Variants in FKBP5 observed in about 807,000 individuals in gnomAD.
FKBP5 encodes FKBP prolyl isomerase 5, also known as peptidyl-prolyl cis-trans isomerase FKBP5.
A neutral mutation model predicts 50.5 loss-of-function variants in FKBP5; 23 were observed. That is an observed-to-expected ratio of 0.46 (90% CI 0.33 to 0.65). The LOEUF (loss-of-function observed/expected upper bound fraction) is 0.65. Ranked by LOEUF, FKBP5 falls within the 30% of genes least tolerant of loss-of-function variation. The probability of loss-of-function intolerance (pLI) is 0.02; values close to 1 mark genes in which losing one functional copy is unlikely to be tolerated. For missense variants in FKBP5, 411 were observed against 553.1 expected, an observed-to-expected ratio of 0.74 and a Z score of 2.58; for synonymous variants, 176 against 190.6, an observed-to-expected ratio of 0.92 and a Z score of 0.63.
chr6:35,675,219 A>AT (rs376352906), intron 1 of FKBP5, among the ~76,000 whole-genome samples: 1 of 152,274 alleles, frequency 6.6e-6, no homozygotes, highest in African/African-American at 2.4e-5. Context: ...ACAAAGTGGT[A>AT]GTGATAAGAT....
intron 1 of FKBP5, among the ~76,000 whole-genome samples, chr6:35,665,178 A>G (rs927870761): frequency 1.3e-5 from 2 of 152,026 alleles, no homozygotes; most frequent in East Asian, 3.8e-4. Flanking sequence ...CACACCCACC[A>G]CATTACTCTC....
At chr6:35,636,969 G>A in intron 3 of FKBP5, 45 bp downstream of exon 3, 3 of 1,529,802 alleles carry the variant, frequency 2.0e-6, no homozygotes, top group Non-Finnish European at 1.8e-6. Context: ...ATTACAAATA[G>A]TAATAAAGCT....
intron 2 of FKBP5, among the ~76,000 whole-genome samples, chr6:35,637,762 C>T (rs1223304607): frequency 2.0e-5 from 3 of 152,092 alleles, no homozygotes; most frequent in African/African-American, 2.4e-5. Context: ...GCGCCCGACA[C>T]TAAACTCTCT....
intron 8 of FKBP5, chr6:35,582,416 T>G: frequency 1.9e-6 from 1 of 518,706 alleles, no homozygotes; most frequent in Non-Finnish European, 2.5e-6. Flanking sequence ...GTCATGAGGG[T>G]GGGGCCTCAT....
rs1210633406 is a variant in FKBP5, at chr6:35,668,573, TATC to T, written c.-20+20228_-20+20230del. On this transcript the variant is annotated intron_variant, in intron 1 of 10. Coordinates refer to ENST00000357266, the MANE Select transcript of FKBP5 (RefSeq NM_004117.4). ...AATGTTCTGTGTGACTACAATTTCATATCATAAAACTGGAATGGAATAGTTATA... is the reference window on the plus strand; with the variant it reads ...AATGTTCTGTGTGACTACAATTTCATATAAAACTGGAATGGAATAGTTATA... Among the ~76,000 whole-genome samples the T allele has an allele frequency of 2.0e-5, 3 of 152,354 alleles. No homozygotes were observed. In the South Asian group the frequency reaches 6.2e-4, roughly 32 times the overall value.
At chr6:35,604,104 C>T (rs1390237169) in intron 5 of FKBP5, among the ~76,000 whole-genome samples, 1 of 150,356 alleles carries the variant, frequency 6.7e-6, no homozygotes, top group Non-Finnish European at 1.5e-5. Flanking sequence ...CACTCCTGGA[C>T]TCAAGCTACT....
chr6:35,621,304 G>C (rs942884514), intron 3 of FKBP5, among the ~76,000 whole-genome samples: 13 of 152,108 alleles, frequency 8.5e-5, no homozygotes, highest in African/African-American at 3.1e-4. Context: ...GGAAACAATA[G>C]AAAATTTAGG....
upstream of FKBP5, among the ~76,000 whole-genome samples, chr6:35,691,194 A>G (rs188566559): frequency 2.0e-4 from 31 of 152,262 alleles, no homozygotes; most frequent in African/African-American, 7.5e-4. Context: ...CATAGGGCAC[A>G]ATGGAAGGCG....
chr6:35,589,072 A>G (rs141837177), intron 7 of FKBP5, among the ~76,000 whole-genome samples: 1,520 of 141,438 alleles, frequency 0.011, 29 homozygotes, highest in African/African-American at 0.035. Context: ...GTGTGTGTGT[A>G]TATATTTATA....
At chr6:35,690,874 C>T (rs544675884), upstream of FKBP5, among the ~76,000 whole-genome samples, 15 of 151,826 alleles carry the variant, frequency 9.9e-5, no homozygotes, top group African/African-American at 3.1e-4. Context: ...GGCATGGTGA[C>T]GCATGCCTGT....
chr6:35,705,399 T>A (rs1168002577), intron 2 of FKBP5, among the ~76,000 whole-genome samples: 4 of 149,772 alleles, frequency 2.7e-5, no homozygotes, highest in Non-Finnish European at 5.9e-5. Flanking sequence ...CCTGAGTAGC[T>A]GGGATTACAG....
Position 35,678,955 on chromosome 6 carries a change from T to C in FKBP5, c.-20+9849A>G, listed in dbSNP as rs554936307. ...AAAATTAGCTGGTCATGGTGATGCA[T>C]ACCTGTAATCCCAGCTACTGTGGAG... On this transcript the variant is annotated intron_variant, in intron 1 of 10. Coordinates refer to ENST00000357266, the MANE Select transcript of FKBP5 (RefSeq NM_004117.4). Among the ~76,000 whole-genome samples, 9 of 152,302 alleles carry C rather than the reference T, an allele frequency of 5.9e-5. No individual in the cohort carries two copies. The South Asian group carries it at 1.0e-3, about 18-fold the overall frequency.
intron 5 of FKBP5, among the ~76,000 whole-genome samples, chr6:35,614,828 A>T (rs2150974376): frequency 6.6e-6 from 1 of 152,208 alleles, no homozygotes; most frequent in Non-Finnish European, 1.5e-5. Flanking sequence ...GGTTTTTAAC[A>T]TATACATACA....
chr6:35,638,349 A>C lies in FKBP5; in HGVS notation c.106-1191T>G, dbSNP rs369917127. Among the ~76,000 whole-genome samples the C allele has an allele frequency of 2.5e-4, 38 of 152,348 alleles. No homozygotes were observed. In the South Asian group the frequency reaches 6.0e-3, roughly 24 times the overall value. Reference sequence around the variant, plus strand: ...TTTTTTACAAGTATACCGTCCACCTAACATAAATATCACATAAACACTGTG... The same window carrying C: ...TTTTTTACAAGTATACCGTCCACCTCACATAAATATCACATAAACACTGTG... On this transcript the variant is annotated intron_variant, in intron 2 of 10. Coordinates refer to ENST00000357266, the MANE Select transcript of FKBP5 (RefSeq NM_004117.4).
At chr6:35,685,296 A>C (rs552884397) in intron 1 of FKBP5, among the ~76,000 whole-genome samples, 171 of 152,320 alleles carry the variant, frequency 1.1e-3, no homozygotes, top group African/African-American at 3.6e-3. Flanking sequence ...TCTCATTTGC[A>C]AATTAAATTA....
At position 35,619,219 on chromosome 6, in the gene FKBP5, A is replaced by C. The variant is rs1763751900; in HGVS notation, c.394-9T>G. The C allele has an allele frequency of 6.3e-7, 1 of 1,589,450 alleles. No homozygotes were observed. Among genetic ancestry groups the C allele is most frequent in the East Asian group, 2.2e-5 (1 of 44,762 alleles). Reference sequence around the variant, plus strand: ...AAATCAAGGAGCTCAATCTAGAAAGAAAAAAGGAATTCAGCTGAGAAAAGA... The same window carrying C: ...AAATCAAGGAGCTCAATCTAGAAAGCAAAAAGGAATTCAGCTGAGAAAAGA... On this transcript the variant is annotated splice_polypyrimidine_tract_variant and intron_variant, in intron 4 of 10. Coordinates refer to ENST00000357266, the MANE Select transcript of FKBP5 (RefSeq NM_004117.4).
intron 1 of FKBP5, among the ~76,000 whole-genome samples, chr6:35,645,577 T>C (rs976052881): frequency 6.6e-6 from 1 of 152,182 alleles, no homozygotes; most frequent in African/African-American, 2.4e-5. Context: ...ATATAAGAAC[T>C]TGGAACAGGA....
chr6:35,620,993 AAAAACAAC>A lies in FKBP5; in HGVS notation c.251-727_251-720del, dbSNP rs565397343. On this transcript the variant is annotated intron_variant, in intron 3 of 10. Transcript: ENST00000357266. ...CTTATAATTTAGTTGGGTAGACAAA[AAAAACAAC>A]AAAACAAGAAGTAACCAGAACAGGA... Among the ~76,000 whole-genome samples the A allele has an allele frequency of 4.4e-3, 677 of 152,304 alleles. 4 individuals are homozygous for A. Among genetic ancestry groups the A allele is most frequent in the Non-Finnish European group, 6.3e-3 (431 of 68,016 alleles).
At position 35,723,264 on chromosome 6, in the gene FKBP5, T is replaced by A. The variant is rs115615631; in HGVS notation, c.-240-2716A>T. ...TAAATAAATAAAATAAAATAAAAAT[T>A]AAAATAAAAATAAATAAATAAATGC... On this transcript the variant is annotated intron_variant, in intron 1 of 11. Transcript: ENST00000536438. Among the ~76,000 whole-genome samples, 745 of 151,774 alleles carry A rather than the reference T, an allele frequency of 4.9e-3. 9 individuals carry two copies. The highest frequency in any genetic ancestry group is 0.016 in the African/African-American group (656 of 41,448).
Sources: gnomAD v4.1 joint callset for allele counts (sites outside exome capture counted in the v4.1 genomes callset) on GRCh38, gnomAD v4.1.1 for gene constraint, MANE v1.5 for transcripts, NCBI Gene and HGNC (gene_info 2026-07-23, HGNC 2026-07-21) for gene names.